CHODL: variants seen among roughly 807,000 people sequenced by gnomAD.
The protein encoded by CHODL is transmembrane protein MT75.
A neutral mutation model predicts 34.5 loss-of-function variants in CHODL; 29 were observed. The ratio of observed to expected loss-of-function variants is 0.84; its 90% CI spans 0.63 to 1.15. CHODL has a LOEUF of 1.15. Ranked by LOEUF, CHODL falls within the 50% of genes most tolerant of loss-of-function variation. The pLI is 0.00. For missense variants in CHODL, 332 were observed against 332.5 expected (o/e 1.00, Z 0.01); for synonymous variants, 125 against 116.1 (o/e 1.08, Z -0.49).
At chr21:17,946,341 C>G (rs916886282) in intron 1 of CHODL, among the ~76,000 whole-genome samples, 1 of 152,048 alleles carries the variant, frequency 6.6e-6, no homozygotes, top group Non-Finnish European at 1.5e-5. Flanking sequence ...ATGGCGTGAA[C>G]CCCCGGGGGC....
chr21:17,962,486 A>T (rs575508721), intron 1 of CHODL, among the ~76,000 whole-genome samples: 1 of 152,246 alleles, frequency 6.6e-6, no homozygotes, highest in East Asian at 1.9e-4. Flanking sequence ...GGAGTCTGAT[A>T]CAGATGGACA....
chr21:17,935,637 A>G (rs1402133430), intron 1 of CHODL, among the ~76,000 whole-genome samples: 1 of 152,258 alleles, frequency 6.6e-6, no homozygotes, highest in East Asian at 1.9e-4. Flanking sequence ...AATTAGATAT[A>G]TAGATGACAT....
intron 2 of CHODL, among the ~76,000 whole-genome samples, chr21:18,237,313 A>T (rs1172970859): frequency 1.3e-5 from 2 of 152,252 alleles, no homozygotes; most frequent in South Asian, 4.1e-4. Flanking sequence ...CTCCACTCTC[A>T]GAAGAAATTA....
intron 2 of CHODL, among the ~76,000 whole-genome samples, chr21:18,193,732 T>TAA (rs1429753092): frequency 1.3e-5 from 2 of 148,158 alleles, no homozygotes; most frequent in Non-Finnish European, 3.0e-5. Context: ...AATAAATAAA[T>TAA]AAATAAATAA....
intron 1 of CHODL, among the ~76,000 whole-genome samples, chr21:17,932,271 G>A (rs1332004076): frequency 1.3e-5 from 2 of 152,162 alleles, no homozygotes; most frequent in East Asian, 3.9e-4. Context: ...TCTCACATCA[G>A]TCAGAATGGC....
chr21:18,258,609 AATT>A (rs2074345175), intron 3 of CHODL, among the ~76,000 whole-genome samples: 1 of 152,022 alleles, frequency 6.6e-6, no homozygotes, highest in Non-Finnish European at 1.5e-5. Flanking sequence ...TATGATATAA[AATT>A]ATTCTTTCTT....
At chr21:18,101,281 T>C (rs1392869440) in intron 2 of CHODL, among the ~76,000 whole-genome samples, 1 of 152,180 alleles carries the variant, frequency 6.6e-6, no homozygotes, top group African/African-American at 2.4e-5. Flanking sequence ...TCCCTAGCCA[T>C]GTGGAACTGT....
intron 2 of CHODL, among the ~76,000 whole-genome samples, chr21:18,226,878 G>A (rs1423054877): frequency 6.6e-6 from 1 of 152,102 alleles, no homozygotes; most frequent in Admixed American, 6.6e-5. Flanking sequence ...ACATTGCTAA[G>A]CTATTCTGTT....
intron 2 of CHODL, among the ~76,000 whole-genome samples, chr21:18,197,834 A>G (rs2073607198): frequency 6.6e-6 from 1 of 152,212 alleles, no homozygotes; most frequent in Non-Finnish European, 1.5e-5. Context: ...AATGGGAGGA[A>G]GAAGAAGAAA....
At position 18,244,891 on chromosome 21, in the gene CHODL, C is replaced by T. The variant is rs576799906; in HGVS notation, c.-333C>T. Reference sequence around the variant, plus strand: ...GCTCAGCCTCTCACTTGTCAGAGGCCGGGGAAGAGAAGCAAAGCGCAACGG... The same window carrying T: ...GCTCAGCCTCTCACTTGTCAGAGGCTGGGGAAGAGAAGCAAAGCGCAACGG... On this transcript the variant is annotated 5_prime_UTR_variant, in exon 1 of 6. Coordinates refer to ENST00000299295, the MANE Select transcript of CHODL (RefSeq NM_024944.3). 16 of 274,640 alleles carry T rather than the reference C, an allele frequency of 5.8e-5. No homozygotes were observed. In the South Asian group the frequency reaches 1.4e-3, roughly 24 times the overall value. The allele number at this position is 274,640 out of a possible 1,614,324, so 17.0% of individuals were successfully genotyped here. A position where few individuals can be genotyped will look rare whatever the true frequency, so the allele number is the denominator to read the frequency against.
At chr21:17,968,398 C>A (rs73890845) in intron 1 of CHODL, among the ~76,000 whole-genome samples, 1,777 of 152,266 alleles carry the variant, frequency 0.012, 33 homozygotes, top group African/African-American at 0.041. Flanking sequence ...ATTTTCTTGG[C>A]ACCTGGTTTC....
chr21:18,182,329 G>C (rs1045148648), intron 2 of CHODL, among the ~76,000 whole-genome samples: 1 of 152,198 alleles, frequency 6.6e-6, no homozygotes, highest in African/African-American at 2.4e-5. Context: ...GTCAGGGTTT[G>C]AGCCTGGCTC....
At chr21:18,030,320 C>T (rs186312864) in intron 2 of CHODL, among the ~76,000 whole-genome samples, 38 of 152,258 alleles carry the variant, frequency 2.5e-4, no homozygotes, top group Non-Finnish European at 4.4e-4. Context: ...GTCTGGACAA[C>T]GAGCAGCATG....
At chr21:18,164,352 G>A (rs970058120) in intron 2 of CHODL, among the ~76,000 whole-genome samples, 2 of 152,154 alleles carry the variant, frequency 1.3e-5, no homozygotes, top group Admixed American at 6.5e-5. Flanking sequence ...AATTGCAGTG[G>A]CACTTTAAAA....
chr21:18,062,268 C>T (rs941294500), intron 2 of CHODL, among the ~76,000 whole-genome samples: 4 of 152,076 alleles, frequency 2.6e-5, no homozygotes, highest in South Asian at 2.1e-4. Flanking sequence ...TTTATACAGG[C>T]GCCATCTCAG....
intron 1 of CHODL, among the ~76,000 whole-genome samples, chr21:17,959,547 T>C (rs74967300): frequency 0.025 from 3,760 of 152,266 alleles, 63 homozygotes; most frequent in Non-Finnish European, 0.036. Context: ...CAAATACATA[T>C]GAAGTAAATA....
At chr21:18,032,881 C>T (rs959555583) in intron 2 of CHODL, among the ~76,000 whole-genome samples, 8 of 152,000 alleles carry the variant, frequency 5.3e-5, no homozygotes, top group African/African-American at 1.9e-4. Flanking sequence ...GGCATTCATT[C>T]ACTTGAAAAT....
At chr21:18,089,753 TACAACAAAG>T (rs1568880391) in intron 2 of CHODL, among the ~76,000 whole-genome samples, 1 of 152,110 alleles carries the variant, frequency 6.6e-6, no homozygotes, top group African/African-American at 2.4e-5. Context: ...CTTTTAAACT[TACAACAAAG>T]AAGAGGATAG....
intron 2 of CHODL, among the ~76,000 whole-genome samples, chr21:18,113,526 G>C (rs2065376700): frequency 6.6e-6 from 1 of 152,142 alleles, no homozygotes; most frequent in African/African-American, 2.4e-5. Context: ...ATGGCAAAAG[G>C]TGAAGGGGAA....
Sources: gnomAD v4.1 joint callset for allele counts (sites outside exome capture counted in the v4.1 genomes callset) on GRCh38, gnomAD v4.1.1 for gene constraint, MANE v1.5 for transcripts, NCBI Gene and HGNC (gene_info 2026-07-23, HGNC 2026-07-21) for gene names.